Variants in BTG4 observed in about 807,000 individuals in gnomAD.
BTG4 encodes the protein protein BTG4.
Under a neutral mutation model 19.3 loss-of-function variants are expected in BTG4, and 10 were observed. The observed-to-expected ratio is 0.52, with a 90% CI of 0.32 to 0.88. BTG4 has a LOEUF of 0.88. BTG4 is among the 40% of genes least tolerant of loss of function. The pLI is 0.04. For missense variants in BTG4, 238 were observed against 281.9 expected, an observed-to-expected ratio of 0.84 and a Z score of 1.11; for synonymous variants, 91 against 95.7, an observed-to-expected ratio of 0.95 and a Z score of 0.29.
At chr11:111,478,484 G>A (rs1864528761) in intron 5 of BTG4, among the ~76,000 whole-genome samples, 1 of 152,034 alleles carries the variant, frequency 6.6e-6, no homozygotes, top group Non-Finnish European at 1.5e-5. Flanking sequence ...AAACCAGAAA[G>A]ATAAACAAAG....
intron 4 of BTG4, among the ~76,000 whole-genome samples, chr11:111,496,186 T>C: frequency 6.6e-6 from 1 of 152,314 alleles, no homozygotes; most frequent in South Asian, 2.1e-4. Context: ...TACTGTATTA[T>C]ATATGCATAT....
At chr11:111,388,839 C>T in the BTG4 span, among the ~76,000 whole-genome samples, 1 of 152,214 alleles carries the variant, frequency 6.6e-6, no homozygotes, top group Non-Finnish European at 1.5e-5. Flanking sequence ...GAGCTAAAGG[C>T]TCAAAGGAGT....
chr11:111,462,197 G>A, the BTG4 span: 1 of 152,308 alleles, frequency 6.6e-6, no homozygotes, highest in South Asian at 2.1e-4. Context: ...CAAGATTTCA[G>A]TCACCCCTAA....
the BTG4 span, among the ~76,000 whole-genome samples, chr11:111,387,125 A>G: frequency 6.6e-6 from 1 of 152,212 alleles, no homozygotes; most frequent in African/African-American, 2.4e-5. Context: ...CATTCAGATC[A>G]AGAGAATATA....
chr11:111,429,698 G>A, the BTG4 span, among the ~76,000 whole-genome samples: 32 of 152,254 alleles, frequency 2.1e-4, no homozygotes, highest in African/African-American at 7.5e-4. Context: ...AAGAGAAACG[G>A]GGCCACACAA....
the BTG4 span, among the ~76,000 whole-genome samples, chr11:111,421,025 G>T: frequency 6.6e-6 from 1 of 152,186 alleles, no homozygotes; most frequent in Non-Finnish European, 1.5e-5. Flanking sequence ...ATGGGATAGG[G>T]ATGGGAAAGA....
Position 111,487,109 on chromosome 11 carries a change from T to C in BTG4, c.662+8054A>G, listed in dbSNP as rs566891494. Among the ~76,000 whole-genome samples, 10 of 152,352 alleles carry C rather than the reference T, an allele frequency of 6.6e-5. 1 individual carries two copies. Among genetic ancestry groups the C allele is most frequent in the Admixed American group, 1.3e-4 (2 of 15,310 alleles). Reference sequence around the variant, plus strand: ...TGTTTCTGTGTTAGTTTGCTAAGGATAATGGCTTCCAGCTCTATCCATGTC... The same window carrying C: ...TGTTTCTGTGTTAGTTTGCTAAGGACAATGGCTTCCAGCTCTATCCATGTC... On this transcript the variant is annotated intron_variant, in intron 5 of 5. Coordinates refer to the BTG4 transcript ENST00000356018.
At chr11:111,452,297 C>T in the BTG4 span, 1 of 152,298 alleles carries the variant, frequency 6.6e-6, no homozygotes, top group Non-Finnish European at 1.5e-5. Context: ...CCCAGGTTTA[C>T]ACAGTCATCC....
the BTG4 span, among the ~76,000 whole-genome samples, chr11:111,411,726 T>C: frequency 6.6e-6 from 1 of 152,230 alleles, no homozygotes; most frequent in African/African-American, 2.4e-5. Context: ...TTTAAGAATA[T>C]AGAGTATACA....
At chr11:111,434,531 G>A in the BTG4 span, among the ~76,000 whole-genome samples, 18 of 150,460 alleles carry the variant, frequency 1.2e-4, no homozygotes, top group African/African-American at 2.9e-4. Flanking sequence ...ATGTACCCTA[G>A]AACTTAAAGT....
chr11:111,450,717 C>T, the BTG4 span: 3 of 152,340 alleles, frequency 2.0e-5, no homozygotes, highest in African/African-American at 7.2e-5. Context: ...TACCCCGGTC[C>T]CTGCAGGGTC....
upstream of BTG4, chr11:111,513,078 C>G: frequency 4.5e-6 from 2 of 441,670 alleles, no homozygotes; most frequent in South Asian, 1.6e-5. Flanking sequence ...CCGCAGCCTT[C>G]GAGAGAAGAT....
At chr11:111,418,401 A>G in the BTG4 span, among the ~76,000 whole-genome samples, 20 of 152,202 alleles carry the variant, frequency 1.3e-4, no homozygotes, top group Non-Finnish European at 4.4e-5. Flanking sequence ...GGCCATCATC[A>G]TCACAAAGCA....
chr11:111,489,503 T>A (rs531540935), intron 5 of BTG4, among the ~76,000 whole-genome samples: 4 of 152,112 alleles, frequency 2.6e-5, no homozygotes, highest in Non-Finnish European at 2.9e-5. Flanking sequence ...TGCAACCCTA[T>A]TGACAACAGC....
chr11:111,440,365 A>C, the BTG4 span, among the ~76,000 whole-genome samples: 3 of 152,216 alleles, frequency 2.0e-5, 1 homozygote, highest in South Asian at 6.2e-4. Flanking sequence ...AATCTGTCAC[A>C]CCAGCTAAAG....
At chr11:111,438,246 G>A in the BTG4 span, among the ~76,000 whole-genome samples, 1,700 of 152,328 alleles carry the variant, frequency 0.011, 29 homozygotes, top group African/African-American at 0.038. Context: ...TTGTGGGTTA[G>A]ACATCTGACT....
the BTG4 span, among the ~76,000 whole-genome samples, chr11:111,409,606 G>C: frequency 1.3e-5 from 2 of 152,116 alleles, no homozygotes; most frequent in Admixed American, 1.3e-4. Context: ...TTTACAGCCT[G>C]CAGAACCATG....
intron 4 of BTG4, 99 bp from the exon 5 acceptor site, chr11:111,495,413 A>G: frequency 2.0e-6 from 2 of 1,019,752 alleles, no homozygotes; most frequent in Non-Finnish European, 2.9e-6. Flanking sequence ...CATAGGGAGC[A>G]CAAATGAATA....
the BTG4 span, among the ~76,000 whole-genome samples, chr11:111,387,814 T>C: frequency 6.6e-6 from 1 of 152,178 alleles, no homozygotes; most frequent in East Asian, 1.9e-4. Context: ...AAAAATAGTC[T>C]TTGCAAAAAG....
Sources: allele counts gnomAD v4.1 joint callset (sites outside exome capture counted in the v4.1 genomes callset), GRCh38; gene constraint gnomAD v4.1.1; transcripts MANE v1.5; gene names NCBI Gene and HGNC (gene_info 2026-07-23, HGNC 2026-07-21).